SMARCD3: variants seen among roughly 807,000 people sequenced by gnomAD.
SMARCD3 encodes SWI/SNF related BAF chromatin remodeling complex subunit D3.
In SMARCD3, 14 loss-of-function variants were observed where a neutral mutation model predicts 58.0. That is an observed-to-expected ratio of 0.24 (90% CI 0.16 to 0.38). The LOEUF is 0.38. Ranked by LOEUF, SMARCD3 falls within the 10% of genes least tolerant of loss-of-function variation. The pLI is 1.00. For synonymous variants in SMARCD3, 253 were observed against 253.8 expected (o/e 1.00, Z 0.03); for missense variants, 408 against 636.9 (o/e 0.64, Z 3.87).
At chr7:151,259,918 T>C (rs1465074949) in intron 2 of SMARCD3, among the ~76,000 whole-genome samples, 1 of 152,030 alleles carries the variant, frequency 6.6e-6, no homozygotes, top group East Asian at 1.9e-4. Context: ...CCAAGACTTG[T>C]TATCATAGGA....
chr7:151,259,612 T>G (rs1189380481), intron 2 of SMARCD3, among the ~76,000 whole-genome samples: 3 of 114,380 alleles, frequency 2.6e-5, no homozygotes, highest in African/African-American at 1.1e-4. Flanking sequence ...TTTTTTTTTT[T>G]TTTTTTTTTT....
chr7:151,248,893 G>A (rs1803409560), upstream of SMARCD3: 2 of 168,264 alleles, frequency 1.2e-5, no homozygotes, highest in Admixed American at 6.6e-5. This position sits in a 1 kb window ranked among gnomAD's most constrained non-coding sequence, Gnocchi z 6.1. Context: ...AAACAGCGCA[G>A]ATAAGCGGCG....
intron 2 of SMARCD3, among the ~76,000 whole-genome samples, chr7:151,256,239 C>T (rs888652879): frequency 6.6e-6 from 1 of 150,398 alleles, no homozygotes; most frequent in Admixed American, 6.6e-5. Context: ...GGCGCGATCT[C>T]AGCTCACTGC....
Position 151,248,015 on chromosome 7 carries a change from C to A in SMARCD3, c.78+470G>T, listed in dbSNP as rs1327370786. On this transcript the variant is annotated intron_variant, in intron 1 of 12. Coordinates refer to ENST00000262188, the MANE Select transcript of SMARCD3 (RefSeq NM_001003801.2). This position sits in a 1 kb window ranked among gnomAD's most constrained non-coding sequence, Gnocchi z 6.1. The stretch of plus-strand genomic sequence containing the variant: ...GGTGGCTCAGCCTGCGAGCTTCCCG[C>A]TACAGTGCCTCCAGGGTCACCTGCT... Among the ~76,000 whole-genome samples, 1 of 152,144 alleles carries A rather than the reference C, an allele frequency of 6.6e-6. No individual in the cohort carries two copies. Among genetic ancestry groups the A allele is most frequent in the Non-Finnish European group, 1.5e-5 (1 of 68,010 alleles).
In SMARCD3 at chr7:151,243,747, C is replaced by G. The variant is rs1803120874; in HGVS notation, c.291-46G>C. The G allele has an allele frequency of 7.1e-7, 1 of 1,407,958 alleles. No individual in the cohort carries two copies. Among genetic ancestry groups the G allele is most frequent in the African/African-American group, 1.4e-5 (1 of 70,958 alleles). The allele number at this position is 1,407,958 out of a possible 1,614,324, so 87.2% of individuals were successfully genotyped here. A position where few individuals can be genotyped will look rare whatever the true frequency, so the allele number is the denominator to read the frequency against. On this transcript the variant is annotated intron_variant, in intron 2 of 12. Coordinates refer to ENST00000262188, the MANE Select transcript of SMARCD3 (RefSeq NM_001003801.2). The surrounding 1 kb of genome is among the most constrained non-coding windows in gnomAD (Gnocchi z 4.4). ...AAACCAGGTTACCATGGCGACAGAT[C>G]TGGGCGTAACGAGGCCACCTGCTAG...
At chr7:151,248,706 C>T (rs1302802719), upstream of SMARCD3, 122 of 1,300,402 alleles carry the variant, frequency 9.4e-5, no homozygotes, top group East Asian at 2.5e-4. This position sits in a 1 kb window ranked among gnomAD's most constrained non-coding sequence, Gnocchi z 6.1. Flanking sequence ...GGGAGGGGGC[C>T]CCTTCAGGGC....
chr7:151,275,196 C>T (rs370936496), exon 2 of SMARCD3: 366 of 1,583,952 alleles, frequency 2.3e-4, no homozygotes, highest in African/African-American at 5.2e-4. Context: ...AGTGCCCCCT[C>T]GGTGCCTGGG....
chr7:151,267,917 C>T (rs891883944), intron 2 of SMARCD3, among the ~76,000 whole-genome samples: 1 of 152,214 alleles, frequency 6.6e-6, no homozygotes, highest in South Asian at 2.1e-4. Flanking sequence ...GTTGAGGCTG[C>T]AGTGAGCCAT....
rs1271990478 is a variant in SMARCD3 at position 151,241,841 on chromosome 7, G to T, written c.777+36C>A. The T allele has an allele frequency of 1.5e-5, 24 of 1,556,984 alleles. No individual in the cohort carries two copies. Among genetic ancestry groups the T allele is most frequent in the Non-Finnish European group, 1.9e-5 (22 of 1,136,564 alleles). ...GACCTAGCCCTGCCCTGAGGGCCTTGTGTGGCGTGTACGGGGCAGCATGGC... is the reference window on the plus strand; with the variant it reads ...GACCTAGCCCTGCCCTGAGGGCCTTTTGTGGCGTGTACGGGGCAGCATGGC... On this transcript the variant is annotated intron_variant, in intron 7 of 12. Transcript: ENST00000262188. This position sits in a 1 kb window ranked among gnomAD's most constrained non-coding sequence, Gnocchi z 5.3.
intron 2 of SMARCD3, among the ~76,000 whole-genome samples, chr7:151,244,497 T>G (rs750353429): frequency 2.6e-5 from 4 of 152,016 alleles, no homozygotes; most frequent in Admixed American, 6.6e-5. Flanking sequence ...CCGTGTGGTG[T>G]TCTCAAGCAC....
intron 2 of SMARCD3, among the ~76,000 whole-genome samples, chr7:151,268,158 G>C (rs757487045): frequency 2.0e-5 from 3 of 152,204 alleles, no homozygotes; most frequent in South Asian, 2.1e-4. Flanking sequence ...GGGCAGGGCA[G>C]ATAGGTTTTG....
intron 2 of SMARCD3, among the ~76,000 whole-genome samples, chr7:151,272,928 G>A (rs1339732017): frequency 6.6e-6 from 1 of 152,126 alleles, no homozygotes; most frequent in African/African-American, 2.4e-5. Flanking sequence ...CCCGATGGGT[G>A]GCTCAGCCTC....
In SMARCD3 at chr7:151,241,328, A is replaced by C. The variant is rs1024690820; in HGVS notation, c.939+164T>G. 1.4e-6 allele frequency: 1 copy of C among 709,434 alleles called. No homozygotes were observed. Among genetic ancestry groups the C allele is most frequent in the Non-Finnish European group, 2.5e-6 (1 of 395,886 alleles). The allele number at this position is 709,434 out of a possible 1,614,324, so 43.9% of individuals were successfully genotyped here. On this transcript the variant is annotated intron_variant, in intron 8 of 12. Transcript: ENST00000262188. The surrounding 1 kb of genome is among the most constrained non-coding windows in gnomAD (Gnocchi z 5.3). ...AGAGCTAATCCACAGTAGGGCCTGA[A>C]CTAGAATCCTGGTCGGTCTCTTGGC...
At chr7:151,264,247 C>T (rs551548786) in intron 2 of SMARCD3, among the ~76,000 whole-genome samples, 6 of 152,034 alleles carry the variant, frequency 3.9e-5, no homozygotes, top group South Asian at 4.2e-4. Flanking sequence ...TTAGTAGAGA[C>T]AGGGTTTTGC....
intron 2 of SMARCD3, among the ~76,000 whole-genome samples, chr7:151,263,171 T>C (rs931962934): frequency 6.6e-6 from 1 of 152,082 alleles, no homozygotes; most frequent in African/African-American, 2.4e-5. Context: ...AGGTAGCCTG[T>C]GTCTAGACTA....
At position 151,266,951 on chromosome 7, in the gene SMARCD3, G is replaced by A. The variant is rs549525196; in HGVS notation, c.39+8163C>T. Reference sequence around the variant, plus strand: ...TGGTCTTGAACTTTTGGCGTGAAGCGAGCCTCCCGCAGTGGCCTCCCAAAG... The same window carrying A: ...TGGTCTTGAACTTTTGGCGTGAAGCAAGCCTCCCGCAGTGGCCTCCCAAAG... On this transcript the variant is annotated intron_variant, in intron 2 of 13. Transcript: ENST00000356800. 7.9e-5 allele frequency among the ~76,000 whole-genome samples: 12 copies of A among 152,250 alleles called. No homozygotes were observed. In the East Asian group the frequency reaches 1.7e-3, roughly 22 times the overall value.
Position 151,241,761 on chromosome 7 carries a change from T to C in SMARCD3, c.778-108A>G. ...TGTGTTGATTGAGGAAACATGCCCCTGGGGAAGGATAGGTTTGGGAGGGGA... is the reference window on the plus strand; with the variant it reads ...TGTGTTGATTGAGGAAACATGCCCCCGGGGAAGGATAGGTTTGGGAGGGGA... On this transcript the variant is annotated intron_variant, in intron 7 of 12. Coordinates refer to ENST00000262188, the MANE Select transcript of SMARCD3 (RefSeq NM_001003801.2). The surrounding 1 kb of genome is among the most constrained non-coding windows in gnomAD (Gnocchi z 5.3). 7.2e-7 allele frequency: 1 copy of C among 1,388,856 alleles called. No homozygotes were observed. Among genetic ancestry groups the C allele is most frequent in the South Asian group, 1.2e-5 (1 of 81,834 alleles). 86.0% of individuals were successfully genotyped at this position (1,388,856 alleles called of 1,614,324 possible).
At chr7:151,254,144 G>C (rs1440180640) in intron 2 of SMARCD3, among the ~76,000 whole-genome samples, 1 of 152,132 alleles carries the variant, frequency 6.6e-6, no homozygotes, top group Non-Finnish European at 1.5e-5. Context: ...TGGCCTCCTG[G>C]TTAACAGGCA....
At chr7:151,262,013 G>C (rs1584891378) in intron 2 of SMARCD3, among the ~76,000 whole-genome samples, 1 of 152,200 alleles carries the variant, frequency 6.6e-6, no homozygotes, top group Admixed American at 6.5e-5. Flanking sequence ...ACTGAGCTGT[G>C]GGGGCTGCAG....
Sources: allele counts gnomAD v4.1 joint callset (sites outside exome capture counted in the v4.1 genomes callset), GRCh38; gene constraint gnomAD v4.1.1; non-coding constraint Gnocchi (gnomAD v3.1); transcripts MANE v1.5; gene names NCBI Gene and HGNC (gene_info 2026-07-23, HGNC 2026-07-21).